Variants in CBX2 observed in about 807,000 individuals in gnomAD.
The protein encoded by CBX2 is chromobox 2, also known as chromobox protein homolog 2.
Under a neutral mutation model 21.0 loss-of-function variants are expected in CBX2, and 11 were observed. The observed-to-expected ratio is 0.52, with a 90% CI of 0.33 to 0.87. CBX2 has a LOEUF of 0.87. CBX2 is among the 40% of genes least tolerant of loss of function. The pLI is 0.02. For synonymous variants in CBX2, 364 were observed against 304.6 expected, an observed-to-expected ratio of 1.19 and a Z score of -2.03; for missense variants, 746 against 724.3, an observed-to-expected ratio of 1.03 and a Z score of -0.34.
intron 4 of CBX2, among the ~76,000 whole-genome samples, chr17:79,783,129 C>T (rs573598818): frequency 6.6e-6 from 1 of 152,330 alleles, no homozygotes; most frequent in Non-Finnish European, 1.5e-5. Flanking sequence ...ATCTGCATCC[C>T]CCTTGAAAGC....
intron 3 of CBX2, chr17:79,779,710 A>T: frequency 2.1e-6 from 1 of 486,728 alleles, no homozygotes; most frequent in Non-Finnish European, 3.8e-6. Flanking sequence ...CAACTTTTTC[A>T]GTTGCTTCAG....
rs1907712273 is a variant in CBX2, at chr17:79,787,395, T to G, written c.*2353T>G. ...TTACCAGCTACTTCAATCCCAAAGT[T>G]TGAATCTGCAGATACCTTACTCCCA... On this transcript the variant is annotated 3_prime_UTR_variant, in exon 5 of 5. Transcript: ENST00000310942. 6.5e-6 allele frequency: 1 copy of G among 152,718 alleles called. No homozygotes were observed. The highest frequency in any genetic ancestry group is 2.1e-4 in the South Asian group (1 of 4,836). 9.5% of individuals were successfully genotyped at this position (152,718 alleles called of 1,614,324 possible).
In CBX2 at chr17:79,784,405, T is replaced by C; in HGVS notation, c.962T>C (p.Val321Ala). The change falls in exon 5 of 5, where the codon GTG (valine) becomes GCG (alanine). Residue 321 changes from valine to alanine, a missense_variant. By Grantham distance (64) the Val-to-Ala change is moderately conservative. This residue lies in a region of CBX2 where 701 missense variants were observed against 650.7 expected (regional missense o/e 1.08). Coordinates refer to ENST00000310942, the MANE Select transcript of CBX2 (RefSeq NM_005189.3). The surrounding 1 kb of genome is among the most constrained non-coding windows in gnomAD (Gnocchi z 5.9). The part of the protein sequence containing the change: ...APSGGAVEQK[V>A]GNTGGPPHTH... ...AGCGGTGGGGCTGTGGAGCAGAAAG[T>C]GGGGAACACAGGGGGCCCCCCGCAC... is the stretch of plus-strand genomic sequence containing the variant. 1.2e-6 allele frequency: 2 copies of C among 1,611,874 alleles called. No homozygotes were observed. The highest frequency in any genetic ancestry group is 2.2e-5 in the South Asian group (2 of 91,028).
rs1907573268 is a variant in CBX2, at chr17:79,785,460, G to C, written c.*418G>C. On this transcript the variant is annotated 3_prime_UTR_variant, in exon 5 of 5. Transcript: ENST00000310942. ...TCTTGCAGGGGCTGAGGTGTCAGGA[G>C]GGGACTTCTGGCCCACCTTGCCTTC... The C allele has an allele frequency of 3.9e-6, 1 of 257,568 alleles. No homozygotes were observed. The highest frequency in any genetic ancestry group is 4.8e-5 in the Admixed American group (1 of 20,700). 16.0% of individuals were successfully genotyped at this position (257,568 alleles called of 1,614,324 possible).
intron 3 of CBX2, among the ~76,000 whole-genome samples, chr17:79,780,641 G>A (rs1290707455): frequency 2.6e-5 from 4 of 152,070 alleles, no homozygotes; most frequent in African/African-American, 7.3e-5. Flanking sequence ...GGATGACATC[G>A]TGGAAGAAAG....
rs782812678 is a variant in CBX2, at chr17:79,783,690, G to A, written c.289-42G>A. The stretch of plus-strand genomic sequence containing the variant: ...CTCCCAAAGTGCTGGGATTACAGGC[G>A]TGAGCCACTGCACCCAGCCAACTTC... On this transcript the variant is annotated intron_variant, in intron 4 of 4. Transcript: ENST00000310942. 3.5e-5 allele frequency: 53 copies of A among 1,515,264 alleles called. No individual in the cohort carries two copies. The East Asian group carries it at 7.4e-4, about 21-fold the overall frequency. The allele number at this position is 1,515,264 out of a possible 1,614,324, so 93.9% of individuals were successfully genotyped here. A position where few individuals can be genotyped will look rare whatever the true frequency, so the allele number is the denominator to read the frequency against.
rs781844856 is a variant in CBX2, at chr17:79,783,947, C to T, written c.504C>T (p.Pro168=). The T allele has an allele frequency of 9.9e-6, 16 of 1,613,806 alleles. No homozygotes were observed. The highest frequency in any genetic ancestry group is 1.6e-4 in the Middle Eastern group (1 of 6,084). ...DPIRKKRGRK[P]LPPEQKATRR... ...TCCGGAAGAAGCGGGGACGAAAGCC[C>T]CTGCCCCCAGAGCAAAAGGCAACCC... The change falls in exon 5 of 5, where the codon CCC becomes CCT. Residue 168 remains proline, a synonymous_variant. Transcript: ENST00000310942.
chr17:79,785,168 C>T lies in CBX2; in HGVS notation c.*126C>T. The T allele has an allele frequency of 2.5e-6, 2 of 795,440 alleles. No homozygotes were observed. The highest frequency in any genetic ancestry group is 2.6e-5 in the East Asian group (1 of 37,900). The allele number at this position is 795,440 out of a possible 1,614,324, so 49.3% of individuals were successfully genotyped here. A position where few individuals can be genotyped will look rare whatever the true frequency, so the allele number is the denominator to read the frequency against. On this transcript the variant is annotated 3_prime_UTR_variant, in exon 5 of 5. Transcript: ENST00000310942. ...CGGGGGAGGAGGAGTGGGTGGCCTC[C>T]TTGATGGGCAGGCTTGGAAGGGACT...
At position 79,784,477 on chromosome 17, in the gene CBX2, C is replaced by T. The variant is rs1555831244; in HGVS notation, c.1034C>T (p.Pro345Leu). 21 of 1,612,636 alleles carry T rather than the reference C, an allele frequency of 1.3e-5. No homozygotes were observed. Among genetic ancestry groups the T allele is most frequent in the Admixed American group, 5.0e-5 (3 of 59,994 alleles). Reference protein sequence around the residue: ...RVPAGCPGPQPAPTQELSLQV... With the variant: ...RVPAGCPGPQLAPTQELSLQV... ...CCTGCTGGGTGCCCAGGCCCCCAGC[C>T]AGCACCCACCCAGGAGCTGAGCCTC... The change falls in exon 5 of 5, where the codon CCA becomes CTA. Residue 345 changes from proline (P) to leucine (L), a missense_variant. Pro to Leu is a moderately conservative substitution (Grantham distance 98). This residue lies in a region of CBX2 where 701 missense variants were observed against 650.7 expected (regional missense o/e 1.08). Coordinates refer to ENST00000310942, the MANE Select transcript of CBX2 (RefSeq NM_005189.3). This position sits in a 1 kb window ranked among gnomAD's most constrained non-coding sequence, Gnocchi z 5.9.
chr17:79,779,459 G>T, intron 3 of CBX2, 32 bp downstream of exon 3: 3 of 1,600,618 alleles, frequency 1.9e-6, no homozygotes, highest in Non-Finnish European at 2.6e-6. Flanking sequence ...GGGAGGGTGT[G>T]GGGGAGGGAC....
rs1555830965 is a variant in CBX2 at position 79,783,799 on chromosome 17, C to T, written c.356C>T (p.Ser119Phe). The change falls in exon 5 of 5, where the codon TCC becomes TTC. Residue 119 changes from serine to phenylalanine, a missense_variant. Around this residue, in one of 2 missense-constraint regions of CBX2, gnomAD observed 701 missense variants for 650.7 expected, o/e 1.08. Transcript: ENST00000310942. Reference protein sequence around the residue: ...SSSSSTSSSSSSDEEDDSDLD... With the variant: ...SSSSSTSSSSFSDEEDDSDLD... ...TCTTCCTCCACGTCATCCTCCTCTT[C>T]CTCAGATGAAGAGGATGACAGTGAC... The T allele has an allele frequency of 2.5e-6, 4 of 1,586,632 alleles. No individual in the cohort carries two copies. The highest frequency in any genetic ancestry group is 3.4e-6 in the Non-Finnish European group (4 of 1,166,654).
chr17:79,782,387 C>A, intron 4 of CBX2: 1 of 1,400,412 alleles, frequency 7.1e-7, no homozygotes, highest in Non-Finnish European at 9.3e-7. Context: ...TGGGCTCACC[C>A]CGCCACAGGT....
chr17:79,779,286 G>T, intron 2 of CBX2, 76 bp from the exon 3 acceptor site: 1 of 1,413,570 alleles, frequency 7.1e-7, no homozygotes, highest in Non-Finnish European at 9.9e-7. Flanking sequence ...CGGTGAGGGC[G>T]AGCCCCCTCG....
rs1555829408 is a variant in CBX2 at position 79,778,333 on chromosome 17, G to C, written c.72+26G>C. On this transcript the variant is annotated intron_variant, in intron 1 of 4. Transcript: ENST00000310942. This position sits in a 1 kb window ranked among gnomAD's most constrained non-coding sequence, Gnocchi z 4.8. Reference sequence around the variant, plus strand: ...GTGCGTGCGGCCCGCCGGGCCCCCCGCCCGCCGCCCGCTGTCCGTCTGGCT... The same window carrying C: ...GTGCGTGCGGCCCGCCGGGCCCCCCCCCCGCCGCCCGCTGTCCGTCTGGCT... 8.9e-6 allele frequency: 14 copies of C among 1,565,418 alleles called. No individual in the cohort carries two copies. The highest frequency in any genetic ancestry group is 1.2e-5 in the Non-Finnish European group (14 of 1,160,730).
rs1222106078 is a variant in CBX2 at position 79,786,763 on chromosome 17, TTGAGAA to T, written c.*1724_*1729del. 1 of 152,608 alleles carries T rather than the reference TTGAGAA, an allele frequency of 6.6e-6. No homozygotes were observed. The highest frequency in any genetic ancestry group is 1.5e-5 in the Non-Finnish European group (1 of 68,050). 9.5% of individuals were successfully genotyped at this position (152,608 alleles called of 1,614,324 possible). ...CTGATTCCATGGAGCAGCCCGGACTTTGAGAATGGGCTCTGGTTTGCGGGGGGCAGG... is the reference window on the plus strand; with the variant it reads ...CTGATTCCATGGAGCAGCCCGGACTTTGGGCTCTGGTTTGCGGGGGGCAGG... On this transcript the variant is annotated 3_prime_UTR_variant, in exon 5 of 5. Coordinates refer to ENST00000310942, the MANE Select transcript of CBX2 (RefSeq NM_005189.3).
chr17:79,783,046 C>T (rs538856473), intron 4 of CBX2, among the ~76,000 whole-genome samples: 1 of 152,294 alleles, frequency 6.6e-6, no homozygotes, highest in East Asian at 1.9e-4. Flanking sequence ...GACTTGTAAC[C>T]TCCTGAGTCC....
intron 2 of CBX2, among the ~76,000 whole-genome samples, chr17:79,779,015 C>T (rs542780545): frequency 2.6e-5 from 4 of 152,286 alleles, no homozygotes; most frequent in East Asian, 3.9e-4. Flanking sequence ...TTCCCTTCCT[C>T]CTCTGGCTCC....
Position 79,778,407 on chromosome 17 carries a change from G to A in CBX2, c.96G>A (p.Lys32=), listed in dbSNP as rs1384521439. The change falls in exon 2 of 5, where the codon AAG becomes AAA. Residue 32 remains lysine (K), a synonymous_variant. Transcript: ENST00000310942. This position sits in a 1 kb window ranked among gnomAD's most constrained non-coding sequence, Gnocchi z 4.8. ...AGGGCAAGCTGGAGTACCTGGTCAA[G>A]TGGCGCGGCTGGTCCTCCAAGTGAG... ...LRKGKLEYLV[K]WRGWSSKHNS... The A allele has an allele frequency of 6.4e-6, 10 of 1,574,372 alleles. No homozygotes were observed. The highest frequency in any genetic ancestry group is 1.4e-5 in the African/African-American group (1 of 72,390).
rs1907423211 is a variant in CBX2, at chr17:79,783,915, G to A, written c.472G>A (p.Asp158Asn). 2 of 1,614,034 alleles carry A rather than the reference G, an allele frequency of 1.2e-6. No individual in the cohort carries two copies. The highest frequency in any genetic ancestry group is 4.5e-5 in the East Asian group (2 of 44,868). ...QILVAKPELK[D>N]PIRKKRGRKP... is the part of the protein sequence containing the mutation. ...CCTGGTGGCCAAACCCGAGCTGAAG[G>A]ATCCCATCCGGAAGAAGCGGGGACG... is the stretch of plus-strand genomic sequence containing the variant. The change falls in exon 5 of 5, where the codon GAT (aspartate) becomes AAT (asparagine). Residue 158 changes from aspartate to asparagine, a missense_variant. Asp to Asn is a conservative substitution (Grantham distance 23). This residue lies in a region of CBX2 where 701 missense variants were observed against 650.7 expected (regional missense o/e 1.08). Transcript: ENST00000310942.
Sources: allele counts gnomAD v4.1 joint callset (sites outside exome capture counted in the v4.1 genomes callset), GRCh38; gene constraint gnomAD v4.1.1; regional missense constraint gnomAD v4.1.1; non-coding constraint Gnocchi (gnomAD v3.1); transcripts MANE v1.5; gene names NCBI Gene and HGNC (gene_info 2026-07-23, HGNC 2026-07-21).